The following ALKBH2 variants were observed in gnomAD, a reference collection of about 807,000 sequenced individuals.
The protein encoded by ALKBH2 is DNA oxidative demethylase ALKBH2.
A neutral mutation model predicts 19.7 loss-of-function variants in ALKBH2; 19 were observed. The ratio of observed to expected loss-of-function variants is 0.97; its 90% CI spans 0.67 to 1.42. ALKBH2 has a LOEUF of 1.42. Among genes scored for constraint, ALKBH2 ranks in the 40% most tolerant of loss-of-function variants. ALKBH2 has a pLI of 0.00. For missense variants in ALKBH2, 310 were observed against 328.5 expected, an observed-to-expected ratio of 0.94 and a Z score of 0.43; for synonymous variants, 135 against 131.2, an observed-to-expected ratio of 1.03 and a Z score of -0.20.
intron 3 of ALKBH2, 117 bp downstream of exon 3, chr12:109,089,892 C>A: frequency 9.2e-7 from 1 of 1,092,734 alleles, no homozygotes. Flanking sequence ...ACTCTTAGAG[C>A]CCCAGTGTAC....
intron 2 of ALKBH2, among the ~76,000 whole-genome samples, chr12:109,090,844 G>C (rs1282946627): frequency 6.6e-6 from 1 of 152,174 alleles, no homozygotes; most frequent in Non-Finnish European, 1.5e-5. Context: ...CAAGCCAACT[G>C]CCCCAAATGT....
At chr12:109,089,115 C>T (rs769236064) in intron 3 of ALKBH2, among the ~76,000 whole-genome samples, 13 of 152,210 alleles carry the variant, frequency 8.5e-5, no homozygotes, top group Non-Finnish European at 1.5e-4. Context: ...TTGCCCTGCA[C>T]TCAAAGGCCA....
At chr12:109,090,774 C>G (rs1311231527) in intron 2 of ALKBH2, among the ~76,000 whole-genome samples, 1 of 152,198 alleles carries the variant, frequency 6.6e-6, no homozygotes, top group African/African-American at 2.4e-5. Context: ...CTCCTGGGCT[C>G]AAGTGGTCCG....
rs908384797 is a variant in ALKBH2, at chr12:109,090,329, A to ATTCAAGAT, written c.281-130_281-123dup. Reference sequence around the variant, plus strand: ...TGCCCCACATACATGCTCCCTGGGTATTCAAGATTGAAAGGGAAGTAAGGA... The same window carrying ATTCAAGAT: ...TGCCCCACATACATGCTCCCTGGGTATTCAAGATTTCAAGATTGAAAGGGAAGTAAGGA... On this transcript the variant is annotated intron_variant, in intron 2 of 3. Coordinates refer to ENST00000429722, the MANE Select transcript of ALKBH2 (RefSeq NM_001145374.2). The ATTCAAGAT allele has an allele frequency of 3.9e-6, 3 of 768,946 alleles. No individual in the cohort carries two copies. In the African/African-American group the frequency reaches 5.2e-5, roughly 13 times the overall value. 47.6% of individuals were successfully genotyped at this position (768,946 alleles called of 1,614,324 possible).
chr12:109,088,406 CAA>C lies in ALKBH2; in HGVS notation c.584_585del (p.Phe195CysfsTer5). The stretch of plus-strand genomic sequence containing the variant: ...CCACGGGAATCCTTATGCCGGAAGA[CAA>C]AGTCTCTGCAGGCACCGAAGGAGAC... ...ASVSFGACRD[F>X]VFRHKDSRGK... On this transcript the variant is annotated frameshift_variant, in exon 4 of 4. Transcript: ENST00000429722. LOFTEE classifies it high-confidence loss of function. The surrounding 1 kb of genome is among the most constrained non-coding windows in gnomAD (Gnocchi z 4.2). The C allele has an allele frequency of 6.2e-7, 1 of 1,613,926 alleles. No homozygotes were observed. The highest frequency in any genetic ancestry group is 8.5e-7 in the Non-Finnish European group (1 of 1,179,974).
At chr12:109,090,655 C>T (rs1593312513) in intron 2 of ALKBH2, among the ~76,000 whole-genome samples, 1 of 152,182 alleles carries the variant, frequency 6.6e-6, no homozygotes, top group East Asian at 1.9e-4. Context: ...CCTGCCTCAG[C>T]CTCCTGAGTA....
chr12:109,092,473 GCACACACACA>G (rs61358885), intron 2 of ALKBH2, 24 bp downstream of exon 2: 2 of 1,362,952 alleles, frequency 1.5e-6, no homozygotes, highest in South Asian at 3.0e-5. Flanking sequence ...AGCCCTCAAT[GCACACACACA>G]CACACACACA....
chr12:109,089,227 A>G (rs1226253909), intron 3 of ALKBH2, among the ~76,000 whole-genome samples: 1 of 152,134 alleles, frequency 6.6e-6, no homozygotes, highest in Admixed American at 6.5e-5. Context: ...TTTGCTTCAC[A>G]GACACTCCAG....
At position 109,092,577 on chromosome 12, in the gene ALKBH2, T is replaced by G. The variant is rs138651962; in HGVS notation, c.210A>C (p.Thr70=). The change falls in exon 2 of 4, where the codon ACA becomes ACC. Residue 70 remains threonine, a synonymous_variant. Transcript: ENST00000429722. ...CTGCCTCAGCTTTGCCAAACAGGAC[T>G]GTGTAACTGCAGTCCAGGCCCTCAG... The part of the protein sequence containing the change: ...IRAEGLDCSY[T]VLFGKAEADE... 2 of 1,613,114 alleles carry G rather than the reference T, an allele frequency of 1.2e-6. No individual in the cohort carries two copies. Among genetic ancestry groups the G allele is most frequent in the Non-Finnish European group, 1.7e-6 (2 of 1,179,598 alleles).
chr12:109,091,373 G>T (rs2042057668), intron 2 of ALKBH2, among the ~76,000 whole-genome samples: 1 of 152,098 alleles, frequency 6.6e-6, no homozygotes, highest in African/African-American at 2.4e-5. Flanking sequence ...GTGACAGAGC[G>T]AGACCCTGTC....
rs112362666 is a variant in ALKBH2 at position 109,090,332 on chromosome 12, C to A, written c.281-125G>T. On this transcript the variant is annotated intron_variant, in intron 2 of 3. Coordinates refer to ENST00000429722, the MANE Select transcript of ALKBH2 (RefSeq NM_001145374.2). ...CCCACATACATGCTCCCTGGGTATTCAAGATTGAAAGGGAAGTAAGGAATA... is the reference window on the plus strand; with the variant it reads ...CCCACATACATGCTCCCTGGGTATTAAAGATTGAAAGGGAAGTAAGGAATA... 7.0e-5 allele frequency: 53 copies of A among 758,642 alleles called. No homozygotes were observed. The African/African-American group carries it at 8.1e-4, about 12-fold the overall frequency. 47.0% of individuals were successfully genotyped at this position (758,642 alleles called of 1,614,324 possible).
chr12:109,090,140 G>C lies in ALKBH2; in HGVS notation c.348C>G (p.Gly116=). 3.1e-6 allele frequency: 5 copies of C among 1,613,978 alleles called. No homozygotes were observed. Among genetic ancestry groups the C allele is most frequent in the Non-Finnish European group, 4.2e-6 (5 of 1,179,990 alleles). ...HSVPRKQATY[G]DAGLTYTFSG... is the part of the protein sequence containing the mutation. The stretch of plus-strand genomic sequence containing the variant: ...AAAATGTGTAGGTCAGCCCAGCGTC[G>C]CCATACGTTGCCTGCTTCCTGGGCA... Residue 116 remains glycine (G), a synonymous_variant, in exon 3 of 4, where the codon GGC becomes GGG. Coordinates refer to ENST00000429722, the MANE Select transcript of ALKBH2 (RefSeq NM_001145374.2).
intron 2 of ALKBH2, among the ~76,000 whole-genome samples, chr12:109,090,809 G>A (rs1251242979): frequency 6.6e-6 from 1 of 152,152 alleles, no homozygotes; most frequent in African/African-American, 2.4e-5. Flanking sequence ...CCAAAGTCTG[G>A]GATTATAGGT....
chr12:109,092,373 A>G (rs1566116178), intron 2 of ALKBH2, 134 bp downstream of exon 2: 1 of 1,323,702 alleles, frequency 7.6e-7, no homozygotes, highest in Non-Finnish European at 9.9e-7. Context: ...CTCAGAGAAT[A>G]TTGGATGAAT....
intron 1 of ALKBH2, 63 bp from the exon 2 acceptor site, chr12:109,093,000 C>T: frequency 7.9e-6 from 10 of 1,265,138 alleles, no homozygotes; most frequent in Non-Finnish European, 1.0e-5. Context: ...GATCCAGGGT[C>T]TCCCACGTCC....
intron 3 of ALKBH2, chr12:109,089,496 G>A (rs916151155): frequency 3.4e-5 from 6 of 177,664 alleles, no homozygotes; most frequent in Non-Finnish European, 4.9e-5. Context: ...CAACAACAAC[G>A]AATGACTGGG....
At chr12:109,092,115 C>T (rs2042069708) in intron 2 of ALKBH2, 1 of 162,336 alleles carries the variant, frequency 6.2e-6, no homozygotes, top group Non-Finnish European at 1.3e-5. Context: ...CCTGACTGCC[C>T]ATGAGAATCA....
In ALKBH2 at chr12:109,092,756, C is replaced by G; in HGVS notation, c.31G>C (p.Gly11Arg). 1 of 1,613,734 alleles carries G rather than the reference C, an allele frequency of 6.2e-7. No individual in the cohort carries two copies. Among genetic ancestry groups the G allele is most frequent in the Non-Finnish European group, 8.5e-7 (1 of 1,179,778 alleles). Residue 11 changes from glycine to arginine, a missense_variant, in exon 2 of 4, where the codon GGG becomes CGG. Physicochemically the swap from Gly to Arg is moderately radical, Grantham distance 125. Transcript: ENST00000429722. MDRFLVKGAQ[G>R]GLLRKQEEQE... ...TCCTCCTGCTTCCTCAAAAGGCCCC[C>G]TTGAGCCCCTTTCACCAGGAATCTG...
chr12:109,089,934 G>A, intron 3 of ALKBH2, 75 bp downstream of exon 3: 1 of 1,532,306 alleles, frequency 6.5e-7, no homozygotes, highest in Non-Finnish European at 9.0e-7. Flanking sequence ...GAACCAAATA[G>A]GGTGGAACCC....
Sources: gnomAD v4.1 joint callset for allele counts (sites outside exome capture counted in the v4.1 genomes callset) on GRCh38, gnomAD v4.1.1 for gene constraint, Gnocchi (gnomAD v3.1) non-coding constraint, MANE v1.5 for transcripts, NCBI Gene and HGNC (gene_info 2026-07-23, HGNC 2026-07-21) for gene names.